Variants in CBX1 observed in about 807,000 individuals in gnomAD.
The protein encoded by CBX1 is chromobox 1.
CBX1 carries 10 observed loss-of-function variants against 25.1 expected under a neutral mutation model. That is an observed-to-expected ratio of 0.40 (90% CI 0.25 to 0.68). The LOEUF is 0.68. Among genes scored for constraint, CBX1 ranks in the 30% least tolerant of loss-of-function variants. The probability of loss-of-function intolerance (pLI) is 0.40; values close to 1 mark genes in which losing one functional copy is unlikely to be tolerated. For synonymous variants in CBX1, 63 were observed against 79.4 expected, an observed-to-expected ratio of 0.79 and a Z score of 1.10; for missense variants, 106 against 218.5, an observed-to-expected ratio of 0.49 and a Z score of 3.25.
At position 48,070,354 on chromosome 17, in the gene CBX1, A is replaced by G. The variant is rs567789665; in HGVS notation, c.*1081T>C. ...TCTTCTCCTGAGACCAAGGCTTTTGAAATCACTAAACTCTTGGATCAATTC... is the reference window on the plus strand; with the variant it reads ...TCTTCTCCTGAGACCAAGGCTTTTGGAATCACTAAACTCTTGGATCAATTC... On this transcript the variant is annotated 3_prime_UTR_variant, in exon 5 of 5. Transcript: ENST00000225603. 1 of 152,786 alleles carries G rather than the reference A, an allele frequency of 6.5e-6. No individual in the cohort carries two copies. The highest frequency in any genetic ancestry group is 1.9e-4 in the East Asian group (1 of 5,194). The allele number at this position is 152,786 out of a possible 1,614,324, so 9.5% of individuals were successfully genotyped here.
At chr17:48,077,789 C>T (rs1386211569) in intron 1 of CBX1, among the ~76,000 whole-genome samples, 1 of 152,050 alleles carries the variant, frequency 6.6e-6, no homozygotes, top group Non-Finnish European at 1.5e-5. Flanking sequence ...TGTGACCAGC[C>T]TAGGCAACAC....
At chr17:48,077,474 G>T (rs2037689124) in intron 1 of CBX1, among the ~76,000 whole-genome samples, 1 of 135,610 alleles carries the variant, frequency 7.4e-6, no homozygotes, top group Non-Finnish European at 1.5e-5. Flanking sequence ...TTTTAGTAGA[G>T]ACGGGATTTC....
Position 48,070,923 on chromosome 17 carries a change from A to G in CBX1, c.*512T>C, listed in dbSNP as rs1353458706. 3 of 152,496 alleles carry G rather than the reference A, an allele frequency of 2.0e-5. No homozygotes were observed. The Admixed American group carries it at 2.0e-4, about 10-fold the overall frequency. The allele number at this position is 152,496 out of a possible 1,614,324, so 9.4% of individuals were successfully genotyped here. ...GTCTGTTCTTTTCCATTGCTTCACC[A>G]TTTCCCCTATCAGGCCCCAAATGTT... On this transcript the variant is annotated 3_prime_UTR_variant, in exon 5 of 5. Transcript: ENST00000225603.
chr17:48,073,753 A>G (rs1245247251), intron 4 of CBX1, among the ~76,000 whole-genome samples: 3 of 137,704 alleles, frequency 2.2e-5, no homozygotes, highest in African/African-American at 8.3e-5. Flanking sequence ...TTGAACCCGG[A>G]GGGGCGGAGG....
In CBX1 at chr17:48,070,240, T is replaced by C. The variant is rs1292314205; in HGVS notation, c.*1195A>G. ...ATGACTCAAGACAGAGCATTTTGGGTATGTTACTTATTAGGATTTCTTAAA... is the reference window on the plus strand; with the variant it reads ...ATGACTCAAGACAGAGCATTTTGGGCATGTTACTTATTAGGATTTCTTAAA... On this transcript the variant is annotated 3_prime_UTR_variant, in exon 5 of 5. Coordinates refer to ENST00000225603, the MANE Select transcript of CBX1 (RefSeq NM_001127228.2). 1 of 152,658 alleles carries C rather than the reference T, an allele frequency of 6.6e-6. No homozygotes were observed. Among genetic ancestry groups the C allele is most frequent in the Non-Finnish European group, 1.5e-5 (1 of 68,046 alleles). 9.5% of individuals were successfully genotyped at this position (152,658 alleles called of 1,614,324 possible). A position where few individuals can be genotyped will look rare whatever the true frequency, so the allele number is the denominator to read the frequency against.
intron 1 of CBX1, chr17:48,100,467 A>G (rs2144481913): frequency 6.5e-6 from 1 of 152,676 alleles, no homozygotes; most frequent in African/African-American, 2.4e-5. Flanking sequence ...CAAAGGAATC[A>G]TGGAGTGAAG....
intron 3 of CBX1, 95 bp from the exon 4 acceptor site, chr17:48,075,195 C>CTATT (rs199539567): frequency 2.2e-5 from 16 of 728,636 alleles, no homozygotes; most frequent in East Asian, 5.9e-5. Context: ...TAATCACAAA[C>CTATT]TCTTTTTTTT....
intron 1 of CBX1, among the ~76,000 whole-genome samples, chr17:48,098,260 AAAAC>A (rs57937836): frequency 8.5e-4 from 128 of 150,736 alleles, no homozygotes; most frequent in Non-Finnish European, 1.3e-3. Context: ...AAAAAAACAA[AAAAC>A]AAACAAACAA....
At chr17:48,085,934 G>C (rs1225674004) in intron 1 of CBX1, among the ~76,000 whole-genome samples, 1 of 152,124 alleles carries the variant, frequency 6.6e-6, no homozygotes, top group South Asian at 2.1e-4. Context: ...GCTGGTCACG[G>C]TGGCATGCAC....
At chr17:48,098,047 G>A (rs953501689) in intron 1 of CBX1, among the ~76,000 whole-genome samples, 1 of 152,148 alleles carries the variant, frequency 6.6e-6, no homozygotes, top group Non-Finnish European at 1.5e-5. Context: ...GTACCAGAGT[G>A]AGTACAAAAC....
At chr17:48,093,858 G>A (rs773047169) in intron 1 of CBX1, among the ~76,000 whole-genome samples, 1 of 151,814 alleles carries the variant, frequency 6.6e-6, no homozygotes, top group Non-Finnish European at 1.5e-5. Context: ...GGTGACTCAC[G>A]CCTGTAATCC....
intron 1 of CBX1, among the ~76,000 whole-genome samples, chr17:48,093,667 G>A (rs572605141): frequency 1.3e-4 from 20 of 152,318 alleles, no homozygotes; most frequent in African/African-American, 3.8e-4. Context: ...GGCCAAAGTC[G>A]TCAGTGTAAC....
intron 1 of CBX1, among the ~76,000 whole-genome samples, chr17:48,096,789 A>G (rs2063377752): frequency 2.0e-5 from 3 of 151,910 alleles, no homozygotes; most frequent in Non-Finnish European, 4.4e-5. Flanking sequence ...AAAAGAAAAG[A>G]AAAACAAAAA....
Position 48,084,518 on chromosome 17 carries a change from T to C in CBX1, c.-37-7477A>G, listed in dbSNP as rs1020229065. Among the ~76,000 whole-genome samples, 37 of 149,484 alleles carry C rather than the reference T, an allele frequency of 2.5e-4. 5 individuals carry two copies. Among genetic ancestry groups the C allele is most frequent in the African/African-American group, 8.9e-4 (35 of 39,164 alleles). On this transcript the variant is annotated intron_variant, in intron 1 of 4. Coordinates refer to ENST00000225603, the MANE Select transcript of CBX1 (RefSeq NM_001127228.2). The stretch of plus-strand genomic sequence containing the variant: ...GCCACTGTGCCGGGCGCCAAGCTTC[T>C]GTTAAACTCCTGGCCTCACACAATT...
At chr17:48,101,011 C>T (rs1022109965) in intron 1 of CBX1, 6 of 985,834 alleles carry the variant, frequency 6.1e-6, no homozygotes, top group Non-Finnish European at 7.2e-6. Context: ...CCCCCAAGTG[C>T]TCGGCCCACC....
rs763810103 is a variant in CBX1, at chr17:48,076,828, C to T, written c.140+37G>A. 27 of 1,586,510 alleles carry T rather than the reference C, an allele frequency of 1.7e-5. No homozygotes were observed. The African/African-American group carries it at 2.4e-4, about 14-fold the overall frequency. On this transcript the variant is annotated intron_variant, in intron 2 of 4. Coordinates refer to ENST00000225603, the MANE Select transcript of CBX1 (RefSeq NM_001127228.2). ...TACATCTCTAGACTCCTGATAAACA[C>T]GTGGTGGCTACATTTACCTGTGTCA...
At chr17:48,091,778 G>A (rs1195831695) in intron 1 of CBX1, among the ~76,000 whole-genome samples, 1 of 151,224 alleles carries the variant, frequency 6.6e-6, no homozygotes, top group Non-Finnish European at 1.5e-5. Flanking sequence ...CCTGACCTCA[G>A]GTGATCCACC....
intron 4 of CBX1, among the ~76,000 whole-genome samples, chr17:48,072,601 G>A (rs549031169): frequency 5.3e-5 from 8 of 151,810 alleles, no homozygotes; most frequent in Non-Finnish European, 1.0e-4. Flanking sequence ...TGGCTAACAC[G>A]GTGAAACCCT....
At chr17:48,098,600 C>T (rs550894519) in intron 1 of CBX1, among the ~76,000 whole-genome samples, 1 of 152,262 alleles carries the variant, frequency 6.6e-6, no homozygotes, top group Non-Finnish European at 1.5e-5. Flanking sequence ...CGGGTTCAAA[C>T]GATTCTCCTG....
Sources: gnomAD v4.1 joint callset for allele counts (sites outside exome capture counted in the v4.1 genomes callset) on GRCh38, gnomAD v4.1.1 for gene constraint, MANE v1.5 for transcripts, NCBI Gene and HGNC (gene_info 2026-07-23, HGNC 2026-07-21) for gene names.